The following KCNMB2 variants were observed in gnomAD, a reference collection of about 807,000 sequenced individuals.
The protein encoded by KCNMB2 is potassium calcium-activated channel subfamily M regulatory beta subunit 2, also known as calcium-activated potassium channel subunit beta-2.
KCNMB2 carries 9 observed loss-of-function variants against 24.5 expected under a neutral mutation model. The ratio of observed to expected loss-of-function variants is 0.37; its 90% CI spans 0.22 to 0.64. The LOEUF (loss-of-function observed/expected upper bound fraction) is 0.64, where lower values mean the gene tolerates loss of function less well. KCNMB2 is among the 30% of genes least tolerant of loss of function. KCNMB2 has a pLI of 0.63. For synonymous variants in KCNMB2, 109 were observed against 104.4 expected (o/e 1.04, Z -0.27); for missense variants, 226 against 284.3 (o/e 0.79, Z 1.47).
chr3:178,700,406 G>C (rs922550340), intron 1 of KCNMB2, among the ~76,000 whole-genome samples: 11 of 152,154 alleles, frequency 7.2e-5, no homozygotes, highest in Admixed American at 5.9e-4. Flanking sequence ...ATATACACAA[G>C]CTCTCTTATA....
intron 1 of KCNMB2, among the ~76,000 whole-genome samples, chr3:178,783,970 A>G (rs1249756807): frequency 1.3e-5 from 2 of 152,172 alleles, no homozygotes; most frequent in South Asian, 2.1e-4. Context: ...ACGTCCCATC[A>G]ATATCTAATT....
At chr3:178,812,595 T>C (rs1317147431) in intron 2 of KCNMB2, among the ~76,000 whole-genome samples, 1 of 152,074 alleles carries the variant, frequency 6.6e-6, no homozygotes, top group Non-Finnish European at 1.5e-5. Flanking sequence ...CTAAATTTCA[T>C]GTAGCATTAT....
chr3:178,621,575 G>A (rs902760755), intron 1 of KCNMB2, among the ~76,000 whole-genome samples: 2 of 151,902 alleles, frequency 1.3e-5, no homozygotes, highest in African/African-American at 4.8e-5. Context: ...AGCCAGTCTA[G>A]ACTAGGTTTT....
Position 178,814,272 on chromosome 3 carries a change from T to C in KCNMB2, c.56+6807T>C, listed in dbSNP as rs570058401. 5.3e-5 allele frequency among the ~76,000 whole-genome samples: 8 copies of C among 152,294 alleles called. No homozygotes were observed. In the East Asian group the frequency reaches 1.5e-3, roughly 29 times the overall value. ...CAGTATTTGGTTTTCGGTTTCTGTG[T>C]TAATTCACTTAGGGTAACAGCCTCC... On this transcript the variant is annotated intron_variant, in intron 2 of 4. Coordinates refer to ENST00000452583, the MANE Select transcript of KCNMB2 (RefSeq NM_181361.3).
chr3:178,776,961 C>G (rs2108427038), intron 1 of KCNMB2, among the ~76,000 whole-genome samples: 1 of 152,114 alleles, frequency 6.6e-6, no homozygotes, highest in African/African-American at 2.4e-5. Context: ...GGGTTTCCGG[C>G]AACTACATTA....
intron 1 of KCNMB2, among the ~76,000 whole-genome samples, chr3:178,764,174 G>A (rs528962515): frequency 6.6e-5 from 10 of 152,098 alleles, no homozygotes; most frequent in Non-Finnish European, 1.0e-4. Flanking sequence ...AAATAACTTC[G>A]CACATTTTGA....
intron 1 of KCNMB2, among the ~76,000 whole-genome samples, chr3:178,664,160 C>T (rs1008745503): frequency 6.6e-6 from 1 of 152,110 alleles, no homozygotes; most frequent in Non-Finnish European, 1.5e-5. Flanking sequence ...TCATGTGGTA[C>T]ACTGGGACCT....
intron 1 of KCNMB2, among the ~76,000 whole-genome samples, chr3:178,628,449 G>A (rs1479820665): frequency 2.0e-5 from 3 of 152,152 alleles, no homozygotes; most frequent in Admixed American, 6.5e-5. Context: ...GAGAATAAAT[G>A]TAATCAAAAT....
chr3:178,757,549 T>C (rs1724150453), intron 1 of KCNMB2, among the ~76,000 whole-genome samples: 1 of 58,154 alleles, frequency 1.7e-5, no homozygotes, highest in Admixed American at 2.2e-4. Flanking sequence ...TATATATGTA[T>C]ATATATCCAA....
chr3:178,561,488 A>C (rs1057370928), intron 1 of KCNMB2, among the ~76,000 whole-genome samples: 1 of 152,210 alleles, frequency 6.6e-6, no homozygotes, highest in African/African-American at 2.4e-5. Context: ...TACGACTCTC[A>C]GTAAAAGACT....
intron 1 of KCNMB2, among the ~76,000 whole-genome samples, chr3:178,622,756 G>A (rs1560135538): frequency 1.3e-5 from 2 of 152,140 alleles, no homozygotes; most frequent in Non-Finnish European, 2.9e-5. Context: ...AGGCGCCCCT[G>A]CTGACTTCAC....
At chr3:178,546,636 G>C (rs1395714808) in intron 1 of KCNMB2, among the ~76,000 whole-genome samples, 4 of 152,148 alleles carry the variant, frequency 2.6e-5, no homozygotes, top group Non-Finnish European at 4.4e-5. Flanking sequence ...AATGTGTCTG[G>C]AGAGCAAGAG....
chr3:178,772,910 C>A (rs1712432011), intron 1 of KCNMB2, among the ~76,000 whole-genome samples: 1 of 152,124 alleles, frequency 6.6e-6, no homozygotes. Flanking sequence ...CTGAACCACC[C>A]TTGTGGTTTC....
At chr3:178,780,582 A>G (rs943134488) in intron 1 of KCNMB2, among the ~76,000 whole-genome samples, 8 of 152,216 alleles carry the variant, frequency 5.3e-5, no homozygotes, top group African/African-American at 1.9e-4. Flanking sequence ...CAGCCATATC[A>G]AAATACCCTG....
intron 1 of KCNMB2, among the ~76,000 whole-genome samples, chr3:178,608,280 T>C (rs1408666678): frequency 6.6e-6 from 1 of 152,244 alleles, no homozygotes; most frequent in Non-Finnish European, 1.5e-5. Context: ...TAATCATTTA[T>C]TCCTGCAGGA....
intron 1 of KCNMB2, among the ~76,000 whole-genome samples, chr3:178,752,474 G>C (rs796175683): frequency 2.6e-5 from 4 of 152,304 alleles, no homozygotes; most frequent in African/African-American, 9.6e-5. Context: ...TGTCCAAGGA[G>C]CAGGTTGGGA....
In KCNMB2 at chr3:178,573,338, T is replaced by C. The variant is rs187142394; in HGVS notation, c.-68+36627T>C. On this transcript the variant is annotated intron_variant, in intron 1 of 4. Coordinates refer to ENST00000452583, the MANE Select transcript of KCNMB2 (RefSeq NM_181361.3). ...ATATTCTAAGTAACAACTCCAAAAG[T>C]TTATGAATTAAGGTCTAAATCAGTA... Among the ~76,000 whole-genome samples the C allele has an allele frequency of 1.1e-4, 17 of 152,102 alleles. No individual in the cohort carries two copies. In the South Asian group the frequency reaches 2.5e-3, roughly 22 times the overall value.
intron 1 of KCNMB2, among the ~76,000 whole-genome samples, chr3:178,628,299 G>C (rs373002475): frequency 1.3e-4 from 20 of 152,116 alleles, no homozygotes; most frequent in African/African-American, 4.6e-4. Flanking sequence ...GTGAATACCA[G>C]ACTCTAGTCC....
intron 1 of KCNMB2, among the ~76,000 whole-genome samples, chr3:178,740,684 G>A (rs1723466734): frequency 1.3e-5 from 2 of 152,150 alleles, no homozygotes; most frequent in Non-Finnish European, 2.9e-5. Context: ...CAGAGTTATT[G>A]TTCTCCAAGG....
Sources: allele counts gnomAD v4.1 joint callset (sites outside exome capture counted in the v4.1 genomes callset), GRCh38; gene constraint gnomAD v4.1.1; transcripts MANE v1.5; gene names NCBI Gene and HGNC (gene_info 2026-07-23, HGNC 2026-07-21).